The following MTG1 variants were observed in gnomAD, a reference collection of about 807,000 sequenced individuals.
MTG1 encodes mitochondrial ribosome associated GTPase 1.
Under a neutral mutation model 39.5 loss-of-function variants are expected in MTG1, and 30 were observed. The ratio of observed to expected loss-of-function variants is 0.76; its 90% CI spans 0.57 to 1.03. MTG1 has a LOEUF of 1.03. MTG1 is among the 50% of genes least tolerant of loss of function. The pLI is 0.00. For missense variants in MTG1, 513 were observed against 447.4 expected (o/e 1.15, Z -1.32); for synonymous variants, 217 against 179.0 (o/e 1.21, Z -1.69).
intron 3 of MTG1, among the ~76,000 whole-genome samples, chr10:133,396,559 C>A (rs2252619): frequency 0.54 from 81,577 of 152,068 alleles, 24,379 homozygotes; most frequent in Non-Finnish European, 0.67. Flanking sequence ...TTGTGGGCAG[C>A]AAGCCACCCA....
chr10:133,405,241 C>A (rs568397892), intron 9 of MTG1, among the ~76,000 whole-genome samples: 1 of 152,236 alleles, frequency 6.6e-6, no homozygotes, highest in South Asian at 2.1e-4. Context: ...TTATATTGAA[C>A]TCTTTTTTAA....
At chr10:133,394,425 C>T (rs1033418323) in intron 1 of MTG1, 93 bp downstream of exon 1, 17 of 1,342,760 alleles carry the variant, frequency 1.3e-5, no homozygotes, top group Non-Finnish European at 1.6e-5. Context: ...CTGCTTCTCC[C>T]GGTCGTTCTG....
intron 9 of MTG1, among the ~76,000 whole-genome samples, chr10:133,404,840 C>G (rs983231472): frequency 6.6e-6 from 1 of 152,110 alleles, no homozygotes; most frequent in African/African-American, 2.4e-5. Flanking sequence ...TGTCGCAAAT[C>G]GGTTGTCCAT....
intron 1 of MTG1, chr10:133,394,709 G>A (rs1589906455): frequency 9.5e-7 from 1 of 1,057,102 alleles, no homozygotes; most frequent in Non-Finnish European, 1.1e-6. Context: ...TGAGTCTTTT[G>A]GGGACTAAAT....
In MTG1 at chr10:133,394,205, CG is replaced by C; in HGVS notation, c.-12del. The C allele has an allele frequency of 6.6e-7, 1 of 1,508,860 alleles. No individual in the cohort carries two copies. Among genetic ancestry groups the C allele is most frequent in the Non-Finnish European group, 8.8e-7 (1 of 1,132,364 alleles). 93.5% of individuals were successfully genotyped at this position (1,508,860 alleles called of 1,614,324 possible). On this transcript the variant is annotated 5_prime_UTR_variant, in exon 1 of 11. Transcript: ENST00000317502. ...AGGAGGTCAGCTGCGGGAGCGTTTC[CG>C]GGGACGGTGCCGCCATGAGATTGAC...
intron 7 of MTG1, 96 bp downstream of exon 7, chr10:133,401,686 G>T (rs1244185741): frequency 1.7e-6 from 2 of 1,190,460 alleles, no homozygotes; most frequent in South Asian, 1.2e-5. Context: ...TGCTGACCAC[G>T]CTTCCCTCCC....
intron 9 of MTG1, among the ~76,000 whole-genome samples, chr10:133,415,196 C>G (rs113504435): frequency 6.6e-6 from 1 of 150,734 alleles, no homozygotes; most frequent in African/African-American, 2.4e-5. Flanking sequence ...GGAGAGGGAG[C>G]GGAGCGGGAG....
chr10:133,414,811 A>T (rs1174461031), intron 9 of MTG1, among the ~76,000 whole-genome samples: 3 of 152,214 alleles, frequency 2.0e-5, no homozygotes, highest in Non-Finnish European at 4.4e-5. Flanking sequence ...AGGCCAAGGC[A>T]GGCGGCTGGG....
intron 9 of MTG1, among the ~76,000 whole-genome samples, chr10:133,418,144 C>T (rs1374167109): frequency 6.6e-6 from 1 of 152,226 alleles, no homozygotes; most frequent in African/African-American, 2.4e-5. Context: ...GCTGGGATTA[C>T]AAGCATGTGC....
At chr10:133,395,119 G>C (rs1005983159) in intron 1 of MTG1, among the ~76,000 whole-genome samples, 38 of 152,186 alleles carry the variant, frequency 2.5e-4, no homozygotes, top group African/African-American at 8.7e-4. Flanking sequence ...GGAAGGGCCC[G>C]GCCCGGTGGC....
At chr10:133,408,232 G>A (rs1325709220) in intron 9 of MTG1, among the ~76,000 whole-genome samples, 2 of 152,158 alleles carry the variant, frequency 1.3e-5, no homozygotes, top group Admixed American at 1.3e-4. Flanking sequence ...TTTGAGGTGT[G>A]TTCCTTCTAT....
At chr10:133,401,476 G>T (rs1849874275) in intron 6 of MTG1, 53 bp from the exon 7 acceptor site, 3 of 1,465,024 alleles carry the variant, frequency 2.0e-6, no homozygotes, top group Admixed American at 4.5e-5. Context: ...TACTTGTTCT[G>T]CAGCTTCTGT....
Position 133,402,306 on chromosome 10 carries a change from A to AG in MTG1, c.670+64dup. ...CCGGGGCCCCTGCCACCCCACCTTT[A>AG]GGGCTGGCTTTGGCACAGGGCCCCT... On this transcript the variant is annotated intron_variant, in intron 8 of 10. Transcript: ENST00000317502. This position sits in a 1 kb window ranked among gnomAD's most constrained non-coding sequence, Gnocchi z 4.7. 6.3e-7 allele frequency: 1 copy of AG among 1,597,832 alleles called. No individual in the cohort carries two copies. The highest frequency in any genetic ancestry group is 8.6e-7 in the Non-Finnish European group (1 of 1,168,382).
intron 9 of MTG1, among the ~76,000 whole-genome samples, chr10:133,405,480 A>G (rs1310402596): frequency 6.6e-6 from 1 of 152,208 alleles, no homozygotes; most frequent in African/African-American, 2.4e-5. Context: ...CTATTCATTA[A>G]TCAACCTCTG....
In MTG1 at chr10:133,419,601, G is replaced by A. The variant is rs1278020577; in HGVS notation, c.865+9G>A. 3.8e-6 allele frequency: 6 copies of A among 1,587,012 alleles called. No homozygotes were observed. In the African/African-American group the frequency reaches 8.1e-5, roughly 21 times the overall value. The stretch of plus-strand genomic sequence containing the variant: ...GGTGCTCACGGGCACGGGTGAGTGA[G>A]GTCGCTGATGCGGGCACCGGAGCCT... On this transcript the variant is annotated intron_variant, in intron 10 of 10. Transcript: ENST00000317502.
rs1348767378 is a variant in MTG1, at chr10:133,421,494, C to G, written c.*1329C>G. 6.5e-6 allele frequency: 1 copy of G among 152,780 alleles called. No homozygotes were observed. The highest frequency in any genetic ancestry group is 1.5e-5 in the Non-Finnish European group (1 of 68,174). 9.5% of individuals were successfully genotyped at this position (152,780 alleles called of 1,614,324 possible). A position where few individuals can be genotyped will look rare whatever the true frequency, so the allele number is the denominator to read the frequency against. On this transcript the variant is annotated 3_prime_UTR_variant, in exon 11 of 11. Transcript: ENST00000317502. ...ACCCCCTGCCTCCTGGGGGAAATGT[C>G]AGAAGGGCTTCTCTGCCTATGAGGA...
rs568067369 is a variant in MTG1, at chr10:133,399,673, A to C, written c.511+54A>C. 1.9e-5 allele frequency: 30 copies of C among 1,550,888 alleles called. No homozygotes were observed. The Admixed American group carries it at 4.9e-4, about 25-fold the overall frequency. ...GGAAAGGTACTGGCGCGTGTGGCTG[A>C]TGTGCTGATGCCACCATCTTTCTTG... On this transcript the variant is annotated intron_variant, in intron 6 of 10. Transcript: ENST00000317502.
intron 9 of MTG1, among the ~76,000 whole-genome samples, chr10:133,415,141 CAG>C (rs1850103237): frequency 6.6e-6 from 1 of 151,314 alleles, no homozygotes; most frequent in African/African-American, 2.4e-5. Flanking sequence ...GGCTCGGCAT[CAG>C]AGGGAGACCG....
intron 9 of MTG1, 78 bp from the exon 10 acceptor site, chr10:133,419,402 A>T: frequency 1.6e-6 from 2 of 1,258,074 alleles, no homozygotes; most frequent in Non-Finnish European, 2.2e-6. Flanking sequence ...TGTGGCATTC[A>T]GGAGGAAGGG....
Sources: gnomAD v4.1 joint callset for allele counts (sites outside exome capture counted in the v4.1 genomes callset) on GRCh38, gnomAD v4.1.1 for gene constraint, Gnocchi (gnomAD v3.1) non-coding constraint, MANE v1.5 for transcripts, NCBI Gene and HGNC (gene_info 2026-07-23, HGNC 2026-07-21) for gene names.